Variants in UBA2 observed in about 807,000 individuals in gnomAD.
UBA2 encodes the protein ubiquitin like modifier activating enzyme 2, also known as SUMO-activating enzyme subunit 2.
A neutral mutation model predicts 77.2 loss-of-function variants in UBA2; 11 were observed. The ratio of observed to expected loss-of-function variants is 0.14; its 90% CI spans 0.09 to 0.24. The LOEUF is 0.24. Ranked by LOEUF, UBA2 falls within the 10% of genes least tolerant of loss-of-function variation. The pLI is 1.00. For synonymous variants in UBA2, 278 were observed against 276.7 expected, an observed-to-expected ratio of 1.00 and a Z score of -0.05; for missense variants, 487 against 781.7, an observed-to-expected ratio of 0.62 and a Z score of 4.50.
chr19:34,443,313 C>T (rs1194966313), intron 6 of UBA2, among the ~76,000 whole-genome samples: 4 of 152,214 alleles, frequency 2.6e-5, no homozygotes, highest in Non-Finnish European at 4.4e-5. Context: ...TGCAGAGCCT[C>T]GCTGATAGGA....
chr19:34,449,343 A>G (rs2075467473), intron 8 of UBA2, among the ~76,000 whole-genome samples: 1 of 152,264 alleles, frequency 6.6e-6, no homozygotes, highest in East Asian at 1.9e-4. Flanking sequence ...GCTGGATTAC[A>G]GGTGTGAGCC....
chr19:34,430,813 C>T (rs2075244828), intron 2 of UBA2, among the ~76,000 whole-genome samples, 154 bp downstream of exon 2: 1 of 152,184 alleles, frequency 6.6e-6, no homozygotes, highest in Non-Finnish European at 1.5e-5. Flanking sequence ...AAGTAAAGGA[C>T]TAAAGATTAA....
At chr19:34,457,972 T>A (rs1051330787) in intron 12 of UBA2, among the ~76,000 whole-genome samples, 2 of 152,234 alleles carry the variant, frequency 1.3e-5, no homozygotes, top group African/African-American at 4.8e-5. Context: ...ATATAAATGT[T>A]ATTCTAATCA....
chr19:34,457,208 A>ATG (rs1568381645), intron 12 of UBA2, among the ~76,000 whole-genome samples: 8 of 133,976 alleles, frequency 6.0e-5, no homozygotes, highest in African/African-American at 2.3e-4. Context: ...ATATATATAT[A>ATG]TATATAAAAT....
chr19:34,460,968 G>A (rs972759219), intron 14 of UBA2, among the ~76,000 whole-genome samples: 1 of 152,162 alleles, frequency 6.6e-6, no homozygotes, highest in African/African-American at 2.4e-5. Flanking sequence ...TTGAAATTCA[G>A]TGCCCGGTTT....
Position 34,444,044 on chromosome 19 carries a change from G to GTTTTTTTTTTT in UBA2, c.649+147_649+157dup, listed in dbSNP as rs35028159. The GTTTTTTTTTTT allele has an allele frequency of 4.4e-3, 777 of 175,700 alleles. 2 individuals carry two copies. Among genetic ancestry groups the GTTTTTTTTTTT allele is most frequent in the African/African-American group, 0.011 (241 of 22,666 alleles). 10.9% of individuals were successfully genotyped at this position (175,700 alleles called of 1,614,324 possible). A position where few individuals can be genotyped will look rare whatever the true frequency, so the allele number is the denominator to read the frequency against. ...TGTGTTTAACATGTGTTTTTTTTTT[G>GTTTTTTTTTTT]TTTTTTTTTTTTTTTTTTTTTTTTG... On this transcript the variant is annotated intron_variant, in intron 7 of 16. Transcript: ENST00000246548.
rs2075714601 is a variant in UBA2 at position 34,469,037 on chromosome 19, A to C, written c.1742-3A>C. 6.3e-7 allele frequency: 1 copy of C among 1,593,768 alleles called. No homozygotes were observed. The highest frequency in any genetic ancestry group is 1.1e-5 in the South Asian group (1 of 87,528). The stretch of plus-strand genomic sequence containing the variant: ...TTTCTTTTTCCCTTTTTTCTGAAAT[A>C]AGCTCAAGAGCAAGATGACGTTCTC... On this transcript the variant is annotated splice_region_variant and splice_polypyrimidine_tract_variant and intron_variant, in intron 16 of 16. Transcript: ENST00000246548.
intron 6 of UBA2, among the ~76,000 whole-genome samples, chr19:34,441,908 G>A (rs1245625470): frequency 6.8e-6 from 1 of 146,152 alleles, no homozygotes; most frequent in Non-Finnish European, 1.5e-5. Context: ...GGGACAGAGC[G>A]AGACTGTGTC....
chr19:34,453,736 C>T (rs755068665), intron 10 of UBA2, among the ~76,000 whole-genome samples: 1 of 151,882 alleles, frequency 6.6e-6, no homozygotes, highest in Non-Finnish European at 1.5e-5. Flanking sequence ...CCACGTTGCC[C>T]GGGCTGGTCA....
chr19:34,430,732 G>A, intron 2 of UBA2, 73 bp downstream of exon 2: 1 of 1,218,742 alleles, frequency 8.2e-7, no homozygotes, highest in Non-Finnish European at 1.2e-6. Context: ...AATCCTGCCT[G>A]TCATATAGGA....
rs921420516 is a variant in UBA2, at chr19:34,441,178, G to A, written c.581+2412G>A. Reference sequence around the variant, plus strand: ...AAACAGAATAAAAACTTACTAGGCCGGGCGAGGTGGCTCACGCCTGTAATC... The same window carrying A: ...AAACAGAATAAAAACTTACTAGGCCAGGCGAGGTGGCTCACGCCTGTAATC... On this transcript the variant is annotated intron_variant, in intron 6 of 16. Coordinates refer to ENST00000246548, the MANE Select transcript of UBA2 (RefSeq NM_005499.3). 5.9e-5 allele frequency among the ~76,000 whole-genome samples: 9 copies of A among 152,266 alleles called. No individual in the cohort carries two copies. In the East Asian group the frequency reaches 1.2e-3, roughly 20 times the overall value.
chr19:34,456,771 T>C (rs1401032027), intron 12 of UBA2, among the ~76,000 whole-genome samples: 1 of 152,064 alleles, frequency 6.6e-6, no homozygotes, highest in African/African-American at 2.4e-5. Context: ...TTAGCCAGGC[T>C]GGTCATGAAC....
chr19:34,459,489 C>T (rs1216181201), intron 13 of UBA2, among the ~76,000 whole-genome samples: 1 of 152,000 alleles, frequency 6.6e-6, no homozygotes, highest in African/African-American at 2.4e-5. Flanking sequence ...TCTAATATGA[C>T]CTGATTCTGA....
intron 2 of UBA2, 115 bp from the exon 3 acceptor site, chr19:34,431,746 G>T: frequency 1.2e-6 from 1 of 836,074 alleles, no homozygotes; most frequent in East Asian, 2.5e-5. Context: ...GACTTCTTTG[G>T]TGTTTAATAT....
At chr19:34,441,393 T>G (rs1029121648) in intron 6 of UBA2, among the ~76,000 whole-genome samples, 1 of 151,876 alleles carries the variant, frequency 6.6e-6, no homozygotes, top group African/African-American at 2.4e-5. Context: ...AGGCGGAGGT[T>G]GCAGTGAGCT....
intron 1 of UBA2, chr19:34,428,801 C>T: frequency 1.7e-6 from 2 of 1,147,146 alleles, no homozygotes; most frequent in Non-Finnish European, 2.2e-6. Flanking sequence ...CCGAGGAGGC[C>T]GCGGGCCCCC....
chr19:34,440,626 T>C (rs1356689575), intron 6 of UBA2, among the ~76,000 whole-genome samples: 1 of 152,138 alleles, frequency 6.6e-6, no homozygotes, highest in Non-Finnish European at 1.5e-5. Flanking sequence ...AAATCCTATG[T>C]AAAATATTAG....
At chr19:34,448,673 A>G (rs547818445) in intron 8 of UBA2, among the ~76,000 whole-genome samples, 19 of 152,272 alleles carry the variant, frequency 1.2e-4, no homozygotes, top group Admixed American at 2.6e-4. Flanking sequence ...ATAATAATCA[A>G]TTTTGAACTC....
intron 1 of UBA2, among the ~76,000 whole-genome samples, chr19:34,429,538 C>G (rs1447682852): frequency 1.3e-5 from 2 of 152,038 alleles, no homozygotes; most frequent in African/African-American, 4.8e-5. Context: ...TCACAGTTCT[C>G]AGGTTAATAG....
Sources: allele counts gnomAD v4.1 joint callset (sites outside exome capture counted in the v4.1 genomes callset), GRCh38; gene constraint gnomAD v4.1.1; transcripts MANE v1.5; gene names NCBI Gene and HGNC (gene_info 2026-07-23, HGNC 2026-07-21).